The following SDK1 variants were observed in gnomAD, a reference collection of about 807,000 sequenced individuals.
The protein encoded by SDK1 is protein sidekick-1.
In SDK1, 157 loss-of-function variants were observed where a neutral mutation model predicts 245.5. That is an observed-to-expected ratio of 0.64 (90% CI 0.56 to 0.73). The LOEUF (loss-of-function observed/expected upper bound fraction) is 0.73. Ranked by LOEUF, SDK1 falls within the 30% of genes least tolerant of loss-of-function variation. The pLI, the probability that SDK1 is intolerant of heterozygous loss-of-function variation, is 0.00. For synonymous variants in SDK1, 1,647 were observed against 1,278.5 expected, an observed-to-expected ratio of 1.29 and a Z score of -6.15; for missense variants, 3,583 against 3,002.3, an observed-to-expected ratio of 1.19 and a Z score of -4.52.
At chr7:3,855,664 A>G (rs990511018) in intron 5 of SDK1, among the ~76,000 whole-genome samples, 3 of 152,250 alleles carry the variant, frequency 2.0e-5, no homozygotes, top group African/African-American at 7.2e-5. Context: ...GGTAATGTAC[A>G]AAGAAGCCCT....
chr7:4,180,802 A>G (rs1170968369), intron 35 of SDK1, among the ~76,000 whole-genome samples: 1 of 152,230 alleles, frequency 6.6e-6, no homozygotes, highest in African/African-American at 2.4e-5. Context: ...GGTGCCACAC[A>G]TTTAATGACC....
chr7:3,853,057 A>T (rs990686519), intron 5 of SDK1, among the ~76,000 whole-genome samples: 7 of 152,212 alleles, frequency 4.6e-5, no homozygotes, highest in Middle Eastern at 3.4e-3. Flanking sequence ...CCCCTGCATG[A>T]ACCAAAACCC....
chr7:4,183,609 C>G (rs574310648), intron 35 of SDK1, among the ~76,000 whole-genome samples: 4 of 150,072 alleles, frequency 2.7e-5, no homozygotes, highest in Non-Finnish European at 3.0e-5. Flanking sequence ...CCACTGCACT[C>G]CAGCCTGGGC....
At chr7:4,066,239 G>A (rs977648393) in intron 19 of SDK1, among the ~76,000 whole-genome samples, 1 of 152,088 alleles carries the variant, frequency 6.6e-6, no homozygotes, top group Admixed American at 6.5e-5. Context: ...CGGGTATCTG[G>A]AGGGGTAGGC....
chr7:4,192,837 T>C (rs1450048230), intron 35 of SDK1, among the ~76,000 whole-genome samples: 1 of 151,458 alleles, frequency 6.6e-6, no homozygotes, highest in Non-Finnish European at 1.5e-5. Flanking sequence ...ATCCACCTCC[T>C]CCCCTCCCGT....
rs370628371 is a variant in SDK1 at position 3,802,949 on chromosome 7, G to C, written c.714-18501G>C. Among the ~76,000 whole-genome samples the C allele has an allele frequency of 1.3e-3, 204 of 152,270 alleles. No individual in the cohort carries two copies. The South Asian group carries it at 0.021, about 16-fold the overall frequency. ...TATGAACATTTCTATTCAGGTTTTT[G>C]CGTAGATGTAAATTTTCATTTCTCT... On this transcript the variant is annotated intron_variant, in intron 4 of 44. Coordinates refer to ENST00000404826, the MANE Select transcript of SDK1 (RefSeq NM_152744.4).
intron 1 of SDK1, among the ~76,000 whole-genome samples, chr7:3,561,174 G>C (rs966467502): frequency 6.6e-6 from 1 of 152,140 alleles, no homozygotes; most frequent in Non-Finnish European, 1.5e-5. Flanking sequence ...GGAAATCTTT[G>C]CTTCATCCTG....
chr7:3,369,897 C>T (rs1781181000), intron 1 of SDK1, among the ~76,000 whole-genome samples: 1 of 152,216 alleles, frequency 6.6e-6, no homozygotes, highest in South Asian at 2.1e-4. Context: ...CACCTAGCCA[C>T]TGCTGGTGTA....
intron 19 of SDK1, among the ~76,000 whole-genome samples, chr7:4,056,440 A>T (rs938801149): frequency 1.3e-5 from 2 of 152,164 alleles, no homozygotes; most frequent in Non-Finnish European, 2.9e-5. Context: ...AAATAGATCC[A>T]AGAGAGAAGC....
At chr7:3,427,811 C>A (rs113184865) in intron 1 of SDK1, among the ~76,000 whole-genome samples, 1 of 152,092 alleles carries the variant, frequency 6.6e-6, no homozygotes, top group South Asian at 2.1e-4. Context: ...CACCAAGCTC[C>A]TGTGGCTGCA....
At chr7:3,500,425 T>A (rs2128607928) in intron 1 of SDK1, among the ~76,000 whole-genome samples, 1 of 152,310 alleles carries the variant, frequency 6.6e-6, no homozygotes, top group East Asian at 1.9e-4. Context: ...GGGTAGAGAA[T>A]TCTTGGTGGG....
intron 1 of SDK1, among the ~76,000 whole-genome samples, chr7:3,555,195 A>G (rs1193584625): frequency 2.0e-5 from 3 of 152,198 alleles, no homozygotes; most frequent in African/African-American, 4.8e-5. Flanking sequence ...CTACAGAGCT[A>G]TAGTAACCAA....
intron 5 of SDK1, among the ~76,000 whole-genome samples, chr7:3,913,650 T>C (rs1184961831): frequency 3.9e-5 from 6 of 152,144 alleles, no homozygotes; most frequent in Non-Finnish European, 7.4e-5. Flanking sequence ...ATGTTAGTGC[T>C]CTGGTAACAT....
At chr7:3,837,547 T>G (rs1284314256) in intron 5 of SDK1, among the ~76,000 whole-genome samples, 1 of 152,228 alleles carries the variant, frequency 6.6e-6, no homozygotes, top group African/African-American at 2.4e-5. Context: ...TGCCTCTTCG[T>G]TCTTGAGGTA....
At chr7:3,881,547 A>G (rs1014158282) in intron 5 of SDK1, among the ~76,000 whole-genome samples, 5 of 152,208 alleles carry the variant, frequency 3.3e-5, no homozygotes, top group African/African-American at 4.8e-5. Context: ...TATTGTGACT[A>G]GTGCTGCAAT....
chr7:4,129,866 C>T, intron 26 of SDK1, 42 bp from the exon 27 acceptor site: 1 of 1,608,882 alleles, frequency 6.2e-7, no homozygotes, highest in East Asian at 2.2e-5. Flanking sequence ...TCCCTCCTGG[C>T]ACCCGCCTCC....
chr7:3,392,961 A>ATTTTTTTTTTTTTTTTT (rs572782966), intron 1 of SDK1, among the ~76,000 whole-genome samples: 2 of 87,120 alleles, frequency 2.3e-5, no homozygotes, highest in African/African-American at 4.8e-5. Context: ...CCTGTTTTAA[A>ATTTTTTTTTTTTTTTTT]TTTTTTTTTT....
intron 1 of SDK1, among the ~76,000 whole-genome samples, chr7:3,421,891 C>T (rs371501568): frequency 3.7e-4 from 56 of 152,232 alleles, no homozygotes; most frequent in African/African-American, 1.2e-3. Flanking sequence ...GAAAGTGGGC[C>T]AGATGCAGTG....
intron 25 of SDK1, among the ~76,000 whole-genome samples, chr7:4,123,830 T>G (rs1315342709): frequency 6.6e-6 from 1 of 152,234 alleles, no homozygotes; most frequent in Non-Finnish European, 1.5e-5. Flanking sequence ...GCCGATCTAA[T>G]GTCCATGCAG....
Sources: gnomAD v4.1 joint callset for allele counts (sites outside exome capture counted in the v4.1 genomes callset) on GRCh38, gnomAD v4.1.1 for gene constraint, MANE v1.5 for transcripts, NCBI Gene and HGNC (gene_info 2026-07-23, HGNC 2026-07-21) for gene names.